LGR6: variants seen among roughly 807,000 people sequenced by gnomAD.
LGR6 encodes the protein leucine-rich repeat-containing G protein-coupled receptor 6.
Under a neutral mutation model 69.4 loss-of-function variants are expected in LGR6, and 45 were observed. That is an observed-to-expected ratio of 0.65 (90% confidence interval 0.51 to 0.83). The LOEUF (loss-of-function observed/expected upper bound fraction) is 0.83. LGR6 is among the 40% of genes least tolerant of loss of function. The pLI, the probability that LGR6 is intolerant of heterozygous loss-of-function variation, is 0.00. For missense variants in LGR6, 1,108 were observed against 1,246.7 expected, an observed-to-expected ratio of 0.89 and a Z score of 1.68; for synonymous variants, 538 against 555.0, an observed-to-expected ratio of 0.97 and a Z score of 0.43.
chr1:202,195,058 A>G (rs1441106022), intron 1 of LGR6, among the ~76,000 whole-genome samples: 1 of 152,180 alleles, frequency 6.6e-6, no homozygotes, highest in African/African-American at 2.4e-5. Context: ...GTGAGAGAGC[A>G]CATTCCAGGC....
rs368951395 is a variant in LGR6 at position 202,319,219 on chromosome 1, C to T, written c.*12C>T. On this transcript the variant is annotated 3_prime_UTR_variant, in exon 18 of 18. Transcript: ENST00000367278. ...CTTCACACGTGTAAATATCCCTCCC[C>T]ATTCTTCTCTTCCCCTCTCTTCCCT... 9.0e-6 allele frequency: 14 copies of T among 1,562,776 alleles called. No homozygotes were observed. The highest frequency in any genetic ancestry group is 5.4e-5 in the African/African-American group (4 of 73,538).
chr1:202,195,072 C>G (rs1658587559), intron 1 of LGR6, among the ~76,000 whole-genome samples: 1 of 152,146 alleles, frequency 6.6e-6, no homozygotes, highest in African/African-American at 2.4e-5. Context: ...TCCAGGCCAC[C>G]CACCTGCACC....
At chr1:202,260,400 C>T in intron 4 of LGR6, among the ~76,000 whole-genome samples, 1 of 151,708 alleles carries the variant, frequency 6.6e-6, no homozygotes, top group Non-Finnish European at 1.5e-5. Context: ...GTGGCACAAT[C>T]TTGGCTCCCT....
At chr1:202,237,339 C>G (rs563470710) in intron 4 of LGR6, among the ~76,000 whole-genome samples, 3 of 152,310 alleles carry the variant, frequency 2.0e-5, no homozygotes, top group Admixed American at 1.3e-4. Context: ...GCTCCCCACC[C>G]GCAGGGGCAG....
chr1:202,199,507 G>A (rs1040038085), intron 1 of LGR6, among the ~76,000 whole-genome samples: 56 of 152,304 alleles, frequency 3.7e-4, no homozygotes, highest in Non-Finnish European at 6.5e-4. Flanking sequence ...GGGCGCGGCC[G>A]GGTGGGGCGG....
At chr1:202,222,797 A>C (rs1397336431) in intron 1 of LGR6, among the ~76,000 whole-genome samples, 1 of 152,116 alleles carries the variant, frequency 6.6e-6, no homozygotes. Context: ...TGAGGACCAA[A>C]CCCTGGCTTA....
In LGR6 at chr1:202,276,508, A is replaced by G; in HGVS notation, c.631A>G (p.Ser211Gly). ...IPDYAFQNLT[S>G]LVVLHLHNNR... The stretch of plus-strand genomic sequence containing the variant: ...CGACTACGCGTTCCAGAATCTCACC[A>G]GCCTTGTGGTGCTGTGAGTGCTGCT... Residue 211 changes from serine to glycine, a missense_variant, in exon 5 of 18, where the codon AGC becomes GGC. Coordinates refer to ENST00000367278, the MANE Select transcript of LGR6 (RefSeq NM_001017403.2). 6.2e-7 allele frequency: 1 copy of G among 1,613,476 alleles called. No homozygotes were observed. Among genetic ancestry groups the G allele is most frequent in the Non-Finnish European group, 8.5e-7 (1 of 1,179,640 alleles).
At chr1:202,224,948 C>G (rs563938336) in intron 1 of LGR6, among the ~76,000 whole-genome samples, 1 of 152,360 alleles carries the variant, frequency 6.6e-6, no homozygotes, top group African/African-American at 2.4e-5. Flanking sequence ...TTCATGAATA[C>G]TGAATGAGCC....
At chr1:202,235,063 G>A (rs1291315693) in intron 3 of LGR6, among the ~76,000 whole-genome samples, 2 of 152,160 alleles carry the variant, frequency 1.3e-5, no homozygotes, top group Non-Finnish European at 2.9e-5. Context: ...TGTGCCTCAG[G>A]GGACTCCCTG....
chr1:202,236,415 A>C (rs1243669762), intron 4 of LGR6: 1 of 192,820 alleles, frequency 5.2e-6, no homozygotes, highest in Non-Finnish European at 1.1e-5. Flanking sequence ...GGTGGGAAGG[A>C]GGCTAGGCTC....
Position 202,318,697 on chromosome 1 carries a change from G to A in LGR6, c.2394G>A (p.Leu798=), listed in dbSNP as rs1654373518. The stretch of plus-strand genomic sequence containing the variant: ...CCTTCCTCAGCTTTGCCTCCATGCT[G>A]GGCCTCTTCCCTGTCACGCCCGAGG... ...PVAFLSFASM[L]GLFPVTPEAV... The change falls in exon 18 of 18, where the codon CTG becomes CTA. Residue 798 remains leucine, a synonymous_variant. Coordinates refer to ENST00000367278, the MANE Select transcript of LGR6 (RefSeq NM_001017403.2). The A allele has an allele frequency of 1.2e-6, 2 of 1,613,464 alleles. No individual in the cohort carries two copies. The highest frequency in any genetic ancestry group is 1.7e-5 in the Admixed American group (1 of 59,998).
intron 6 of LGR6, among the ~76,000 whole-genome samples, chr1:202,288,241 G>A (rs1307312107): frequency 1.3e-5 from 2 of 152,102 alleles, no homozygotes; most frequent in Non-Finnish European, 2.9e-5. Flanking sequence ...CACCTTTTAA[G>A]TATCCTCCCT....
intron 4 of LGR6, among the ~76,000 whole-genome samples, chr1:202,237,356 C>T (rs779689561): frequency 2.6e-5 from 4 of 152,230 alleles, no homozygotes; most frequent in Non-Finnish European, 4.4e-5. Context: ...GCAGACTAAA[C>T]ATTTGCCTAG....
intron 4 of LGR6, among the ~76,000 whole-genome samples, chr1:202,274,616 G>A (rs900099307): frequency 1.3e-5 from 2 of 152,166 alleles, no homozygotes; most frequent in African/African-American, 4.8e-5. Context: ...TTAAAATCCA[G>A]GTTCTGATTT....
chr1:202,226,542 GC>G (rs1660566200), intron 2 of LGR6, among the ~76,000 whole-genome samples: 1 of 152,064 alleles, frequency 6.6e-6, no homozygotes, highest in Non-Finnish European at 1.5e-5. Context: ...CGGTCAACCT[GC>G]CCCTGTTGGA....
At chr1:202,242,506 A>G (rs756677413) in intron 4 of LGR6, among the ~76,000 whole-genome samples, 16 of 152,302 alleles carry the variant, frequency 1.1e-4, no homozygotes, top group Non-Finnish European at 2.1e-4. Flanking sequence ...CCGAGTGAAT[A>G]TCATGCATAG....
chr1:202,243,084 G>A (rs1296781283), intron 4 of LGR6, among the ~76,000 whole-genome samples: 1 of 152,090 alleles, frequency 6.6e-6, no homozygotes. Flanking sequence ...CAGAGTCCAC[G>A]CATTTAACCA....
chr1:202,196,947 C>A, intron 1 of LGR6: 1 of 489,678 alleles, frequency 2.0e-6, no homozygotes, highest in South Asian at 1.5e-5. Flanking sequence ...GGTTGGGGAT[C>A]GGGAGGGAGA....
chr1:202,293,937 A>G (rs971150194), intron 6 of LGR6, among the ~76,000 whole-genome samples: 2 of 152,180 alleles, frequency 1.3e-5, no homozygotes, highest in African/African-American at 2.4e-5. Flanking sequence ...GAACTACTCA[A>G]TGGATTGCCT....
Sources: gnomAD v4.1 joint callset for allele counts (sites outside exome capture counted in the v4.1 genomes callset) on GRCh38, gnomAD v4.1.1 for gene constraint, MANE v1.5 for transcripts, NCBI Gene and HGNC (gene_info 2026-07-23, HGNC 2026-07-21) for gene names.